The following MBOAT2 variants were observed in gnomAD, a reference collection of about 807,000 sequenced individuals.
The protein encoded by MBOAT2 is membrane bound glycerophospholipid O-acyltransferase 2.
MBOAT2 carries 28 observed loss-of-function variants against 63.4 expected under a neutral mutation model. The ratio of observed to expected loss-of-function variants is 0.44; its 90% CI spans 0.33 to 0.61. The LOEUF (loss-of-function observed/expected upper bound fraction) is 0.61. MBOAT2 is among the 20% of genes least tolerant of loss of function. MBOAT2 has a pLI of 0.03. For synonymous variants in MBOAT2, 211 were observed against 215.6 expected, an observed-to-expected ratio of 0.98 and a Z score of 0.19; for missense variants, 470 against 605.8, an observed-to-expected ratio of 0.78 and a Z score of 2.35.
chr2:8,876,666 A>G (rs1662721504), intron 7 of MBOAT2, among the ~76,000 whole-genome samples: 1 of 152,022 alleles, frequency 6.6e-6, no homozygotes, highest in Non-Finnish European at 1.5e-5. Context: ...AACACAAGGC[A>G]TAGGTAAGAA....
chr2:8,873,168 T>C lies in MBOAT2; in HGVS notation c.823A>G (p.Ile275Val), dbSNP rs1662458049. Residue 275 changes from isoleucine to valine, a missense_variant, in exon 8 of 13, where the codon ATC becomes GTC. Coordinates refer to ENST00000305997, the MANE Select transcript of MBOAT2 (RefSeq NM_138799.4). ...GCCAAAAGAGAGATATACAGATAGA[T>C]AATCTTTGTTGGCCACGAAGCTGTA... ...QATASWPTKIIYLYISLLAAR... is the reference protein window; with the variant it reads ...QATASWPTKIVYLYISLLAAR... The C allele has an allele frequency of 6.2e-7, 1 of 1,614,196 alleles. No homozygotes were observed. Among genetic ancestry groups the C allele is most frequent in the South Asian group, 1.1e-5 (1 of 91,088 alleles).
chr2:8,986,114 A>T (rs12612400), intron 1 of MBOAT2, among the ~76,000 whole-genome samples: 20,248 of 151,744 alleles, frequency 0.13, 1,722 homozygotes, highest in South Asian at 0.29. Flanking sequence ...AAACACCCAT[A>T]AGCACAGACT....
intron 8 of MBOAT2, among the ~76,000 whole-genome samples, chr2:8,872,618 T>C (rs1445156939): frequency 1.3e-5 from 2 of 152,166 alleles, no homozygotes; most frequent in Non-Finnish European, 1.5e-5. Context: ...TGTTATCTTT[T>C]CTCTAAAATT....
intron 9 of MBOAT2, among the ~76,000 whole-genome samples, chr2:8,867,956 C>T (rs568518894): frequency 9.2e-5 from 14 of 152,086 alleles, no homozygotes; most frequent in Admixed American, 1.3e-4. Flanking sequence ...AGTGTGGCTG[C>T]CTGGCCTCCA....
At chr2:8,963,212 T>C (rs1045945847) in intron 1 of MBOAT2, among the ~76,000 whole-genome samples, 5 of 139,630 alleles carry the variant, frequency 3.6e-5, no homozygotes, top group Non-Finnish European at 6.1e-5. Context: ...CATTCCAGCC[T>C]AGGCAACAGA....
intron 1 of MBOAT2, chr2:8,974,438 A>G (rs1305164753): frequency 6.6e-6 from 3 of 456,390 alleles, no homozygotes; most frequent in African/African-American, 6.0e-5. Flanking sequence ...CGGGCAGCCT[A>G]GGAGAAATAA....
intron 5 of MBOAT2, among the ~76,000 whole-genome samples, chr2:8,885,604 T>G (rs1211485197): frequency 1.3e-5 from 2 of 152,162 alleles, no homozygotes; most frequent in Non-Finnish European, 2.9e-5. Flanking sequence ...AAGGCCACAG[T>G]ACAAGCCAGA....
At chr2:8,943,063 C>T (rs1018531705) in intron 3 of MBOAT2, 124 bp downstream of exon 3, 4 of 561,310 alleles carry the variant, frequency 7.1e-6, no homozygotes, top group South Asian at 4.6e-5. Context: ...GTATTTATGA[C>T]AATTCTTCTT....
chr2:8,870,497 C>G (rs568376340), intron 8 of MBOAT2, among the ~76,000 whole-genome samples: 13 of 152,032 alleles, frequency 8.6e-5, no homozygotes, highest in Non-Finnish European at 1.5e-4. Context: ...CTTGGACTTC[C>G]CAAAAAACAG....
intron 8 of MBOAT2, among the ~76,000 whole-genome samples, chr2:8,869,421 CA>C (rs796179653): frequency 3.3e-5 from 5 of 151,632 alleles, no homozygotes; most frequent in Non-Finnish European, 5.9e-5. Flanking sequence ...GCTTAAGCTG[CA>C]AAAAAAATTT....
At chr2:8,894,581 T>C (rs1027191051) in intron 4 of MBOAT2, among the ~76,000 whole-genome samples, 1 of 152,232 alleles carries the variant, frequency 6.6e-6, no homozygotes, top group African/African-American at 2.4e-5. Flanking sequence ...AATTAGACTC[T>C]GAACGTGAAT....
Position 8,860,342 on chromosome 2 carries a change from G to GT in MBOAT2, c.1337+270dup, listed in dbSNP as rs569161760. On this transcript the variant is annotated intron_variant, in intron 12 of 12. Transcript: ENST00000305997. ...AAGTTCAGGACAATTAAGCTAACAA[G>GT]TTTTTTGTTAAATTTAGGAGAGGTT... is the stretch of plus-strand genomic sequence containing the variant. Among the ~76,000 whole-genome samples the GT allele has an allele frequency of 1.3e-4, 20 of 152,196 alleles. 1 individual carries two copies. The South Asian group carries it at 3.5e-3, about 27-fold the overall frequency.
At chr2:8,938,585 GCCGTGTTTCATGCCA>G (rs879873334) in intron 3 of MBOAT2, among the ~76,000 whole-genome samples, 10 of 151,074 alleles carry the variant, frequency 6.6e-5, no homozygotes, top group Non-Finnish European at 1.3e-4. Flanking sequence ...CACATTTCAT[GCCGTGTTTCATGCCA>G]CCGTGTTTCA....
chr2:8,951,908 T>C (rs1002987231), intron 2 of MBOAT2, among the ~76,000 whole-genome samples: 2 of 152,336 alleles, frequency 1.3e-5, no homozygotes, highest in Middle Eastern at 3.4e-3. Context: ...GTTGGATTTT[T>C]GGGTCTCAAT....
chr2:8,965,382 T>C lies in MBOAT2; in HGVS notation c.76-6740A>G, dbSNP rs113733976. On this transcript the variant is annotated intron_variant, in intron 1 of 12. Transcript: ENST00000305997. ...CAATGCTCATGTGAGATCAGTGTTA[T>C]CTCTACTTTAAAAGGAAACAGCAAG... is the stretch of plus-strand genomic sequence containing the variant. 1.4e-3 allele frequency among the ~76,000 whole-genome samples: 208 copies of C among 152,270 alleles called. 1 individual carries two copies. The highest frequency in any genetic ancestry group is 4.8e-3 in the African/African-American group (198 of 41,562).
rs766415335 is a variant in MBOAT2, at chr2:8,854,800, A to C, written c.*3879T>G. The C allele has an allele frequency of 3.3e-5, 5 of 152,208 alleles. No individual in the cohort carries two copies. The highest frequency in any genetic ancestry group is 6.5e-5 in the Admixed American group (1 of 15,282). The allele number at this position is 152,208 out of a possible 1,614,324, so 9.4% of individuals were successfully genotyped here. On this transcript the variant is annotated 3_prime_UTR_variant, in exon 13 of 13. Transcript: ENST00000305997. The stretch of plus-strand genomic sequence containing the variant: ...AATTTATAATTATTTTAATGGCAAA[A>C]ATTTTAAAGCTATTGTTTTCTGCGG...
rs370036760 is a variant in MBOAT2 at position 8,859,803 on chromosome 2, G to A, written c.1337+810C>T. Among the ~76,000 whole-genome samples the A allele has an allele frequency of 3.3e-5, 5 of 152,148 alleles. 1 individual carries two copies. Among genetic ancestry groups the A allele is most frequent in the Non-Finnish European group, 2.9e-5 (2 of 67,992 alleles). On this transcript the variant is annotated intron_variant, in intron 12 of 12. Coordinates refer to ENST00000305997, the MANE Select transcript of MBOAT2 (RefSeq NM_138799.4). ...AGTAGATTATAAAAATACAGAATTC[G>A]AGACAAGACAATTTCTATAATATAC...
At chr2:8,953,494 T>C (rs960567671) in intron 2 of MBOAT2, among the ~76,000 whole-genome samples, 4 of 152,240 alleles carry the variant, frequency 2.6e-5, no homozygotes, top group Non-Finnish European at 4.4e-5. Context: ...CTAGCAGGAT[T>C]AGGGAAGCTT....
chr2:8,862,369 C>T lies in MBOAT2; in HGVS notation c.1185+221G>A, dbSNP rs745893306. On this transcript the variant is annotated intron_variant, in intron 11 of 12. Coordinates refer to ENST00000305997, the MANE Select transcript of MBOAT2 (RefSeq NM_138799.4). This position sits in a 1 kb window ranked among gnomAD's most constrained non-coding sequence, Gnocchi z 4.3. ...TTGTGAGTGCCTCCTACCTGCCGGGCACATAGAAACGTGTTTTCTCCTCAC... is the reference window on the plus strand; with the variant it reads ...TTGTGAGTGCCTCCTACCTGCCGGGTACATAGAAACGTGTTTTCTCCTCAC... The T allele has an allele frequency of 1.0e-5, 15 of 1,440,174 alleles. No homozygotes were observed. The South Asian group carries it at 1.4e-4, about 13-fold the overall frequency. 89.2% of individuals were successfully genotyped at this position (1,440,174 alleles called of 1,614,324 possible).
Sources: allele counts gnomAD v4.1 joint callset (sites outside exome capture counted in the v4.1 genomes callset), GRCh38; gene constraint gnomAD v4.1.1; non-coding constraint Gnocchi (gnomAD v3.1); transcripts MANE v1.5; gene names NCBI Gene and HGNC (gene_info 2026-07-23, HGNC 2026-07-21).